Variants in DDR1 observed in about 807,000 individuals in gnomAD.
DDR1 encodes epithelial discoidin domain-containing receptor 1.
A neutral mutation model predicts 97.4 loss-of-function variants in DDR1; 64 were observed. That is an observed-to-expected ratio of 0.66 (90% CI 0.54 to 0.81). DDR1 has a LOEUF of 0.81. Ranked by LOEUF, DDR1 falls within the 30% of genes least tolerant of loss-of-function variation. The pLI is 0.00. For missense variants in DDR1, 990 were observed against 1,259.6 expected (o/e 0.79, Z 3.24); for synonymous variants, 458 against 503.7 (o/e 0.91, Z 1.21).
chr6:30,897,971 G>T lies in DDR1; in HGVS notation c.2217-102G>T. 1 of 864,762 alleles carries T rather than the reference G, an allele frequency of 1.2e-6. No homozygotes were observed. Among genetic ancestry groups the T allele is most frequent in the South Asian group, 1.6e-5 (1 of 63,014 alleles). The allele number at this position is 864,762 out of a possible 1,614,324, so 53.6% of individuals were successfully genotyped here. On this transcript the variant is annotated intron_variant, in intron 15 of 17. Coordinates refer to ENST00000376568, the MANE Select transcript of DDR1 (RefSeq NM_001297654.2). The surrounding 1 kb of genome is among the most constrained non-coding windows in gnomAD (Gnocchi z 5.2). ...CACGTGGGCATTCCACCTCCACATG[G>T]GGAGCCAGAGTGACCGGGCCCGGGG...
chr6:30,895,454 C>T lies in DDR1; in HGVS notation c.1564C>T (p.Arg522Cys), dbSNP rs764479302. 16 of 1,609,110 alleles carry T rather than the reference C, an allele frequency of 9.9e-6. No homozygotes were observed. Among genetic ancestry groups the T allele is most frequent in the Admixed American group, 6.7e-5 (4 of 59,714 alleles). The change falls in exon 12 of 18, where the codon CGT (arginine) becomes TGT (cysteine). Residue 522 changes from arginine to cysteine, a missense_variant. By Grantham distance (180) the Arg-to-Cys change is radical (BLOSUM62 -3). Transcript: ENST00000376568. ...AYRLLLATYA[R>C]PPRGPGPPTP... Reference sequence around the variant, plus strand: ...CCGCCTCCTTCTGGCCACTTACGCCCGTCCCCCTCGAGGCCCGGGCCCCCC... The same window carrying T: ...CCGCCTCCTTCTGGCCACTTACGCCTGTCCCCCTCGAGGCCCGGGCCCCCC...
Position 30,891,300 on chromosome 6 carries a change from T to A in DDR1, c.566-80T>A. The A allele has an allele frequency of 6.9e-7, 1 of 1,442,624 alleles. No individual in the cohort carries two copies. Among genetic ancestry groups the A allele is most frequent in the Non-Finnish European group, 9.6e-7 (1 of 1,042,726 alleles). 89.4% of individuals were successfully genotyped at this position (1,442,624 alleles called of 1,614,324 possible). ...CAGTGGAGAGATACAAGAAGGGACC[T>A]GAAACCTGCCCAGGCCTGATGCAGG... is the stretch of plus-strand genomic sequence containing the variant. On this transcript the variant is annotated intron_variant, in intron 5 of 17. Coordinates refer to ENST00000376568, the MANE Select transcript of DDR1 (RefSeq NM_001297654.2). The surrounding 1 kb of genome is among the most constrained non-coding windows in gnomAD (Gnocchi z 5.3).
Position 30,894,793 on chromosome 6 carries a change from C to T in DDR1, c.1513+122C>T. 2 of 1,130,034 alleles carry T rather than the reference C, an allele frequency of 1.8e-6. No individual in the cohort carries two copies. Among genetic ancestry groups the T allele is most frequent in the Non-Finnish European group, 2.4e-6 (2 of 817,560 alleles). The allele number at this position is 1,130,034 out of a possible 1,614,324, so 70.0% of individuals were successfully genotyped here. On this transcript the variant is annotated intron_variant, in intron 11 of 17. Coordinates refer to ENST00000376568, the MANE Select transcript of DDR1 (RefSeq NM_001297654.2). The surrounding 1 kb of genome is among the most constrained non-coding windows in gnomAD (Gnocchi z 5.7). ...TCCACTTGTTTTCTTCTTTCTGTGCCCCTGGTTACTGTCTATATCACTCTT... is the reference window on the plus strand; with the variant it reads ...TCCACTTGTTTTCTTCTTTCTGTGCTCCTGGTTACTGTCTATATCACTCTT...
chr6:30,885,018 T>C (rs1785262913), intron 1 of DDR1: 1 of 571,528 alleles, frequency 1.7e-6, no homozygotes, highest in South Asian at 2.2e-5. Context: ...GGTGCTCCTG[T>C]GCAGCCCCAC....
chr6:30,893,808 C>T (rs1019445033), intron 10 of DDR1, among the ~76,000 whole-genome samples: 1 of 152,220 alleles, frequency 6.6e-6, no homozygotes, highest in Non-Finnish European at 1.5e-5. Flanking sequence ...TAACCCAAAC[C>T]AGGCCTGTTG....
chr6:30,894,010 G>A lies in DDR1; in HGVS notation c.1348-496G>A, dbSNP rs1189634745. On this transcript the variant is annotated intron_variant, in intron 10 of 17. Coordinates refer to ENST00000376568, the MANE Select transcript of DDR1 (RefSeq NM_001297654.2). The surrounding 1 kb of genome is among the most constrained non-coding windows in gnomAD (Gnocchi z 5.7). ...CATGCCTGTAATCCTAGCACTTTGG[G>A]AGGCCGAGGCGGGAGGATCACCTGA... is the stretch of plus-strand genomic sequence containing the variant. 6.6e-6 allele frequency among the ~76,000 whole-genome samples: 1 copy of A among 152,176 alleles called. No homozygotes were observed. The highest frequency in any genetic ancestry group is 2.4e-5 in the African/African-American group (1 of 41,446).
rs1414723211 is a variant in DDR1, at chr6:30,892,394, C to T, written c.951C>T (p.Pro317=). The change falls in exon 8 of 18, where the codon CCC becomes CCT. Residue 317 remains proline (P), a synonymous_variant. Coordinates refer to ENST00000376568, the MANE Select transcript of DDR1 (RefSeq NM_001297654.2). ...RGPAMAWEGE[P]MRHNLGGNLG... is the part of the protein sequence containing the mutation. ...CTGCCATGGCCTGGGAGGGGGAGCCCATGCGCCACAACCTAGGGGGCAACC... is the reference window on the plus strand; with the variant it reads ...CTGCCATGGCCTGGGAGGGGGAGCCTATGCGCCACAACCTAGGGGGCAACC... 11 of 1,597,210 alleles carry T rather than the reference C, an allele frequency of 6.9e-6. No individual in the cohort carries two copies. The highest frequency in any genetic ancestry group is 1.7e-4 in the Middle Eastern group (1 of 5,830).
intron 12 of DDR1, 68 bp from the exon 13 acceptor site, chr6:30,896,553 G>A (rs996953023): frequency 1.9e-6 from 3 of 1,542,372 alleles, no homozygotes; most frequent in African/African-American, 2.8e-5. Flanking sequence ...AGGCTGAGGT[G>A]TGGGGAACTA....
chr6:30,899,332 T>C lies in DDR1; in HGVS notation c.*36T>C. On this transcript the variant is annotated 3_prime_UTR_variant, in exon 18 of 18. Coordinates refer to ENST00000376568, the MANE Select transcript of DDR1 (RefSeq NM_001297654.2). ...CAGCTGCCCCTCCCTCAGGGAGCGATCCAGGGGAAGCCAGTGACACTAAAA... is the reference window on the plus strand; with the variant it reads ...CAGCTGCCCCTCCCTCAGGGAGCGACCCAGGGGAAGCCAGTGACACTAAAA... 6.3e-7 allele frequency: 1 copy of C among 1,578,770 alleles called. No individual in the cohort carries two copies. Among genetic ancestry groups the C allele is most frequent in the Non-Finnish European group, 8.6e-7 (1 of 1,160,702 alleles).
At chr6:30,892,607 G>A (rs1341912167) in intron 8 of DDR1, 65 bp downstream of exon 8, 14 of 1,501,396 alleles carry the variant, frequency 9.3e-6, no homozygotes, top group Non-Finnish European at 1.2e-5. Flanking sequence ...TCCTAACCCT[G>A]CAGTGTCCCT....
Position 30,897,151 on chromosome 6 carries a change from A to G in DDR1, c.1997+10A>G. 6.2e-7 allele frequency: 1 copy of G among 1,613,332 alleles called. No homozygotes were observed. The highest frequency in any genetic ancestry group is 8.5e-7 in the Non-Finnish European group (1 of 1,179,676). On this transcript the variant is annotated intron_variant, in intron 14 of 17. Transcript: ENST00000376568. The surrounding 1 kb of genome is among the most constrained non-coding windows in gnomAD (Gnocchi z 5.2). The stretch of plus-strand genomic sequence containing the variant: ...CCACCAAGAATGCCAGGTGAGGACC[A>G]GGGATGGCATCTGGAAGAAGGGAGG...
rs1260249804 is a variant in DDR1, at chr6:30,894,255, C to CA, written c.1348-248dup. Among the ~76,000 whole-genome samples the CA allele has an allele frequency of 6.6e-6, 1 of 151,550 alleles. No homozygotes were observed. Among genetic ancestry groups the CA allele is most frequent in the East Asian group, 1.9e-4 (1 of 5,162 alleles). On this transcript the variant is annotated intron_variant, in intron 10 of 17. Transcript: ENST00000376568. The surrounding 1 kb of genome is among the most constrained non-coding windows in gnomAD (Gnocchi z 5.7). ...AGAGCAAAATTCCATCTCAAAAAAA[C>CA]AAACAAACAAAAAAAAAACGGTTGA...
In DDR1 at chr6:30,892,428, C is replaced by A. The variant is rs1355819453; in HGVS notation, c.985C>A (p.Pro329Thr). The A allele has an allele frequency of 6.2e-7, 1 of 1,606,420 alleles. No individual in the cohort carries two copies. The highest frequency in any genetic ancestry group is 1.3e-5 in the African/African-American group (1 of 74,916). Residue 329 changes from proline to threonine, a missense_variant, in exon 8 of 18, where the codon CCC becomes ACC. Physicochemically the swap from Pro to Thr is conservative, Grantham distance 38 (BLOSUM62 -1). Coordinates refer to ENST00000376568, the MANE Select transcript of DDR1 (RefSeq NM_001297654.2). Reference protein sequence around the residue: ...RHNLGGNLGDPRARAVSVPLG... With the variant: ...RHNLGGNLGDTRARAVSVPLG... ...CAACCTAGGGGGCAACCTGGGGGAC[C>A]CCAGAGCCCGGGCTGTCTCAGTGCC...
In DDR1 at chr6:30,899,487, C is replaced by G. The variant is rs1330718116; in HGVS notation, c.*191C>G. The G allele has an allele frequency of 1.5e-6, 1 of 650,354 alleles. No individual in the cohort carries two copies. The highest frequency in any genetic ancestry group is 3.1e-5 in the Admixed American group (1 of 32,276). 40.3% of individuals were successfully genotyped at this position (650,354 alleles called of 1,614,324 possible). ...GCCCCTTCTCCCCTTCCTGGACACA[C>G]TCTCATGTCCCCTTCCTGTTCTTCC... On this transcript the variant is annotated 3_prime_UTR_variant, in exon 18 of 18. Transcript: ENST00000376568.
intron 12 of DDR1, 68 bp from the exon 13 acceptor site, chr6:30,896,553 G>T (rs996953023): frequency 6.5e-7 from 1 of 1,542,372 alleles, no homozygotes; most frequent in Non-Finnish European, 8.7e-7. Flanking sequence ...AGGCTGAGGT[G>T]TGGGGAACTA....
chr6:30,881,765 C>G (rs1784360799), upstream of DDR1, among the ~76,000 whole-genome samples: 1 of 152,146 alleles, frequency 6.6e-6, no homozygotes, highest in African/African-American at 2.4e-5. Context: ...CCTCCTTTTC[C>G]TCTCTCAGAC....
chr6:30,897,491 A>G lies in DDR1; in HGVS notation c.2110A>G (p.Met704Val). The change falls in exon 15 of 18, where the codon ATG becomes GTG. Residue 704 changes from methionine (M) to valine (V), a missense_variant. By Grantham distance (21) the Met-to-Val change is conservative. Transcript: ENST00000376568. This position sits in a 1 kb window ranked among gnomAD's most constrained non-coding sequence, Gnocchi z 5.2. ...CCCCCTCTGCATGATTACTGACTACATGGAGAACGGCGACCTCAACCAGTT... is the reference window on the plus strand; with the variant it reads ...CCCCCTCTGCATGATTACTGACTACGTGGAGAACGGCGACCTCAACCAGTT... ...DDPLCMITDY[M>V]ENGDLNQFLS... 6.2e-7 allele frequency: 1 copy of G among 1,614,096 alleles called. No individual in the cohort carries two copies. The highest frequency in any genetic ancestry group is 8.5e-7 in the Non-Finnish European group (1 of 1,179,996).
At chr6:30,892,697 C>T in intron 8 of DDR1, 155 bp downstream of exon 8, 1 of 976,722 alleles carries the variant, frequency 1.0e-6, no homozygotes, top group African/African-American at 1.6e-5. Context: ...TAACTTGAGC[C>T]CCTTTCTGCC....
rs750525973 is a variant in DDR1, at chr6:30,895,463, C to T, written c.1573C>T (p.Arg525Ter). 9 of 1,607,790 alleles carry T rather than the reference C, an allele frequency of 5.6e-6. No individual in the cohort carries two copies. Among genetic ancestry groups the T allele is most frequent in the African/African-American group, 1.3e-5 (1 of 74,874 alleles). ...TCTGGCCACTTACGCCCGTCCCCCTCGAGGCCCGGGCCCCCCCACACCCGC... is the reference window on the plus strand; with the variant it reads ...TCTGGCCACTTACGCCCGTCCCCCTTGAGGCCCGGGCCCCCCCACACCCGC... ...LLLATYARPP[R>*]GPGPPTPAWA... The change falls in exon 12 of 18, where the codon CGA (arginine) becomes TGA (stop). Residue 525 changes from arginine to a stop codon, truncating the protein, a stop_gained. Transcript: ENST00000376568. LOFTEE classifies it high-confidence loss of function.
Sources: gnomAD v4.1 joint callset for allele counts (sites outside exome capture counted in the v4.1 genomes callset) on GRCh38, gnomAD v4.1.1 for gene constraint, Gnocchi (gnomAD v3.1) non-coding constraint, MANE v1.5 for transcripts, NCBI Gene and HGNC (gene_info 2026-07-23, HGNC 2026-07-21) for gene names.